ATP8A1: variants seen among roughly 807,000 people sequenced by gnomAD.
ATP8A1 encodes ATPase phospholipid transporting 8A1, also known as phospholipid-transporting ATPase IA.
In ATP8A1, 90 loss-of-function variants were observed where a neutral mutation model predicts 177.7. The observed-to-expected ratio is 0.51, with a 90% CI of 0.43 to 0.60. The LOEUF (loss-of-function observed/expected upper bound fraction) is 0.60. ATP8A1 is among the 20% of genes least tolerant of loss of function. ATP8A1 has a pLI of 0.00. For missense variants in ATP8A1, 1,072 were observed against 1,392.8 expected, an observed-to-expected ratio of 0.77 and a Z score of 3.67; for synonymous variants, 493 against 485.9, an observed-to-expected ratio of 1.01 and a Z score of -0.19.
At chr4:42,567,495 T>G (rs578119797) in intron 15 of ATP8A1, among the ~76,000 whole-genome samples, 1 of 152,200 alleles carries the variant, frequency 6.6e-6, no homozygotes, top group Admixed American at 6.5e-5. Context: ...GCTGAGATTG[T>G]GCCACTGCAT....
At chr4:42,498,787 A>G (rs1036866638) in intron 24 of ATP8A1, among the ~76,000 whole-genome samples, 3 of 152,104 alleles carry the variant, frequency 2.0e-5, no homozygotes, top group African/African-American at 7.2e-5. Flanking sequence ...CCTAAATGAG[A>G]TGGACATTTT....
chr4:42,524,715 A>T, intron 21 of ATP8A1, 48 bp downstream of exon 21: 1 of 1,236,160 alleles, frequency 8.1e-7, no homozygotes, highest in Non-Finnish European at 1.2e-6. Context: ...TCAGAAGTAT[A>T]TGATTTCTTT....
chr4:42,549,647 AT>A (rs1729295629), intron 18 of ATP8A1, among the ~76,000 whole-genome samples: 3 of 151,892 alleles, frequency 2.0e-5, no homozygotes, highest in Admixed American at 6.6e-5. Flanking sequence ...ATTAAAAAAA[AT>A]ATCAGGTGCG....
At chr4:42,544,027 G>A (rs1157014907) in intron 19 of ATP8A1, 41 bp from the exon 20 acceptor site, 2 of 1,478,912 alleles carry the variant, frequency 1.4e-6, no homozygotes, top group African/African-American at 2.8e-5. Flanking sequence ...ATCATACCAA[G>A]GATATGCATG....
rs149620523 is a variant in ATP8A1 at position 42,409,876 on chromosome 4, G to A, written c.*3040C>T. ...AAATTTAATGATCAGAATGCTGACT[G>A]ATTTCCATAATTCATTTCCCCTCTG... On this transcript the variant is annotated 3_prime_UTR_variant, in exon 37 of 37. Transcript: ENST00000381668. The A allele has an allele frequency of 3.3e-5, 5 of 152,234 alleles. No homozygotes were observed. Among genetic ancestry groups the A allele is most frequent in the Admixed American group, 2.6e-4 (4 of 15,288 alleles). 9.4% of individuals were successfully genotyped at this position (152,234 alleles called of 1,614,324 possible).
At chr4:42,632,589 A>C (rs1315481749) in intron 1 of ATP8A1, among the ~76,000 whole-genome samples, 3 of 152,224 alleles carry the variant, frequency 2.0e-5, no homozygotes, top group African/African-American at 7.2e-5. Context: ...TATGTTAATA[A>C]GATTACTTTG....
chr4:42,461,244 C>CTTTTTTTTTTTTT (rs777847439), intron 27 of ATP8A1, among the ~76,000 whole-genome samples: 3 of 84,542 alleles, frequency 3.5e-5, no homozygotes, highest in Non-Finnish European at 7.0e-5. Context: ...TCAATTTTTT[C>CTTTTTTTTTTTTT]TTTCTTTTTT....
intron 20 of ATP8A1, among the ~76,000 whole-genome samples, chr4:42,530,740 G>A (rs1727181480): frequency 6.6e-6 from 1 of 152,216 alleles, no homozygotes; most frequent in African/African-American, 2.4e-5. Context: ...TGCAGGGCCG[G>A]AGCAAAGTTC....
intron 33 of ATP8A1, among the ~76,000 whole-genome samples, chr4:42,433,482 T>C (rs928600270): frequency 6.6e-6 from 1 of 152,164 alleles, no homozygotes; most frequent in Non-Finnish European, 1.5e-5. Context: ...GGCTCTTACA[T>C]GGGATGGTTA....
intron 20 of ATP8A1, among the ~76,000 whole-genome samples, chr4:42,529,782 G>C (rs1440576344): frequency 6.6e-6 from 1 of 152,232 alleles, no homozygotes; most frequent in Non-Finnish European, 1.5e-5. Flanking sequence ...ACAGTGGTGA[G>C]GTGAAATCTT....
At chr4:42,608,362 C>CCTTTTT (rs1736028102) in intron 5 of ATP8A1, among the ~76,000 whole-genome samples, 1 of 117,962 alleles carries the variant, frequency 8.5e-6, no homozygotes, top group Admixed American at 8.6e-5. Flanking sequence ...GCAATAATAT[C>CCTTTTT]ATTTTTTTTT....
At chr4:42,567,745 A>G (rs571255196) in intron 15 of ATP8A1, among the ~76,000 whole-genome samples, 26 of 152,358 alleles carry the variant, frequency 1.7e-4, no homozygotes, top group Middle Eastern at 3.4e-3. Context: ...TTACTAAACT[A>G]GATAAAATAA....
At position 42,596,681 on chromosome 4, in the gene ATP8A1, A is replaced by G. The variant is rs552493767; in HGVS notation, c.450+3797T>C. On this transcript the variant is annotated intron_variant, in intron 6 of 36. Transcript: ENST00000381668. Reference sequence around the variant, plus strand: ...GACTCCATCTCAAAAAAAAAAAAAAAAAAGAAAAGAAAAAAGAAATACATA... The same window carrying G: ...GACTCCATCTCAAAAAAAAAAAAAAGAAAGAAAAGAAAAAAGAAATACATA... Among the ~76,000 whole-genome samples the G allele has an allele frequency of 5.3e-5, 8 of 151,896 alleles. No homozygotes were observed. In the South Asian group the frequency reaches 1.0e-3, roughly 20 times the overall value.
intron 5 of ATP8A1, among the ~76,000 whole-genome samples, chr4:42,613,652 T>C (rs965345758): frequency 6.6e-6 from 1 of 152,140 alleles, no homozygotes; most frequent in African/African-American, 2.4e-5. Context: ...GGCGCGGTCT[T>C]GGCTCACTGC....
At chr4:42,479,013 G>A (rs1165581719) in intron 25 of ATP8A1, among the ~76,000 whole-genome samples, 2 of 152,228 alleles carry the variant, frequency 1.3e-5, no homozygotes, top group Admixed American at 6.5e-5. Context: ...TCTCCTTGGA[G>A]AGACTAGGAG....
At chr4:42,437,330 C>T (rs773328181) in intron 33 of ATP8A1, among the ~76,000 whole-genome samples, 10 of 152,242 alleles carry the variant, frequency 6.6e-5, no homozygotes, top group Non-Finnish European at 8.8e-5. Flanking sequence ...TTAGACGAGT[C>T]GGAAAAGCAG....
At position 42,450,354 on chromosome 4, in the gene ATP8A1, T is replaced by C. The variant is rs563906713; in HGVS notation, c.2896+1627A>G. 9.7e-4 allele frequency among the ~76,000 whole-genome samples: 147 copies of C among 152,312 alleles called. 4 individuals are homozygous for C. The South Asian group carries it at 0.029, about 30-fold the overall frequency. The stretch of plus-strand genomic sequence containing the variant: ...AACAGGGAGTGATTGCCAATGGATA[T>C]GGGGCTTCTCTATTGGATGATATGA... On this transcript the variant is annotated intron_variant, in intron 30 of 36. Transcript: ENST00000381668.
chr4:42,591,333 A>G (rs978259747), intron 6 of ATP8A1, among the ~76,000 whole-genome samples: 2 of 151,968 alleles, frequency 1.3e-5, no homozygotes, highest in Non-Finnish European at 2.9e-5. Flanking sequence ...AAAAAAAAGT[A>G]TACTAGTCCC....
chr4:42,529,415 C>T (rs538596465), intron 20 of ATP8A1, among the ~76,000 whole-genome samples: 1 of 152,316 alleles, frequency 6.6e-6, no homozygotes, highest in East Asian at 1.9e-4. Flanking sequence ...GCGACCTGAA[C>T]TGCGTATCAT....
Sources: allele counts gnomAD v4.1 joint callset (sites outside exome capture counted in the v4.1 genomes callset), GRCh38; gene constraint gnomAD v4.1.1; transcripts MANE v1.5; gene names NCBI Gene and HGNC (gene_info 2026-07-23, HGNC 2026-07-21).